TFCP2: variants seen among roughly 807,000 people sequenced by gnomAD.
TFCP2 encodes transcription factor CP2, also known as alpha-globin transcription factor CP2.
Under a neutral mutation model 73.4 loss-of-function variants are expected in TFCP2, and 33 were observed. The ratio of observed to expected loss-of-function variants is 0.45; its 90% CI spans 0.34 to 0.60. The LOEUF is 0.60. TFCP2 is among the 20% of genes least tolerant of loss of function. TFCP2 has a pLI of 0.01. For synonymous variants in TFCP2, 193 were observed against 211.6 expected, an observed-to-expected ratio of 0.91 and a Z score of 0.76; for missense variants, 352 against 604.0, an observed-to-expected ratio of 0.58 and a Z score of 4.37.
At chr12:51,133,308 ACTCT>A (rs756636247) in intron 1 of TFCP2, among the ~76,000 whole-genome samples, 2 of 151,482 alleles carry the variant, frequency 1.3e-5, no homozygotes, top group African/African-American at 4.9e-5. Context: ...ACCTATTTTC[ACTCT>A]CTCTTTTTTT....
At chr12:51,109,080 A>C in intron 6 of TFCP2, 41 bp downstream of exon 6, 1 of 1,586,696 alleles carries the variant, frequency 6.3e-7, no homozygotes, top group Non-Finnish European at 8.6e-7. Context: ...TAGAATGATA[A>C]GGTAAAAGAA....
At chr12:51,097,210 A>G (rs1213985218) in intron 13 of TFCP2, among the ~76,000 whole-genome samples, 1 of 152,062 alleles carries the variant, frequency 6.6e-6, no homozygotes, top group Non-Finnish European at 1.5e-5. Context: ...TCGGCCTCCC[A>G]AAGTGCTGGG....
chr12:51,125,456 T>C (rs1432580404), intron 1 of TFCP2: 2 of 378,840 alleles, frequency 5.3e-6, no homozygotes, highest in African/African-American at 2.1e-5. Flanking sequence ...CTGACCTCCA[T>C]ATGAATCAAC....
chr12:51,108,242 C>CA (rs1367374954), intron 6 of TFCP2, among the ~76,000 whole-genome samples: 2 of 151,148 alleles, frequency 1.3e-5, no homozygotes, highest in African/African-American at 4.9e-5. Flanking sequence ...GCTGGCACTG[C>CA]ACCACTGCAT....
intron 1 of TFCP2, among the ~76,000 whole-genome samples, chr12:51,132,259 G>A (rs904751812): frequency 1.3e-5 from 2 of 149,918 alleles, no homozygotes; most frequent in East Asian, 2.0e-4. Flanking sequence ...ACACCCTTTC[G>A]CAGCACTCCT....
chr12:51,138,611 T>G (rs1941116852), intron 1 of TFCP2, among the ~76,000 whole-genome samples: 1 of 152,140 alleles, frequency 6.6e-6, no homozygotes, highest in Non-Finnish European at 1.5e-5. Context: ...TTCTCCTCCT[T>G]CAGACCACAT....
intron 1 of TFCP2, among the ~76,000 whole-genome samples, chr12:51,150,644 T>C (rs1175321009): frequency 4.6e-5 from 7 of 151,870 alleles, no homozygotes; most frequent in African/African-American, 7.3e-5. Flanking sequence ...CAGATGATAA[T>C]TGAAGTGGGG....
chr12:51,134,836 A>G (rs1479695968), intron 1 of TFCP2, among the ~76,000 whole-genome samples: 1 of 152,262 alleles, frequency 6.6e-6, no homozygotes, highest in Non-Finnish European at 1.5e-5. Flanking sequence ...CAGGTTGGGC[A>G]CTGTGCCTCA....
At chr12:51,102,993 G>A (rs1189497846) in intron 10 of TFCP2, among the ~76,000 whole-genome samples, 1 of 151,414 alleles carries the variant, frequency 6.6e-6, no homozygotes, top group African/African-American at 2.4e-5. Context: ...ATCAAAAAGT[G>A]CTAAATAGGC....
At chr12:51,110,142 T>C (rs982651026) in intron 5 of TFCP2, among the ~76,000 whole-genome samples, 1 of 152,214 alleles carries the variant, frequency 6.6e-6, no homozygotes, top group Non-Finnish European at 1.5e-5. Context: ...GAAGTATTAA[T>C]AAACTAGTGG....
At chr12:51,142,614 G>A (rs1941217269) in intron 1 of TFCP2, among the ~76,000 whole-genome samples, 1 of 152,030 alleles carries the variant, frequency 6.6e-6, no homozygotes, top group Non-Finnish European at 1.5e-5. Flanking sequence ...TTTTTCCTCT[G>A]ATTATCCCAA....
intron 1 of TFCP2, among the ~76,000 whole-genome samples, chr12:51,164,632 G>A (rs1238346285): frequency 1.3e-5 from 2 of 148,882 alleles, no homozygotes; most frequent in Non-Finnish European, 3.0e-5. Context: ...ACAAACTCTT[G>A]TCAGACTGAC....
intron 1 of TFCP2, among the ~76,000 whole-genome samples, chr12:51,158,994 T>C (rs1240624245): frequency 3.5e-5 from 3 of 84,660 alleles, no homozygotes; most frequent in South Asian, 5.5e-4. Flanking sequence ...AAACCCTCTC[T>C]CTACTAAAAA....
In TFCP2 at chr12:51,170,343, C is replaced by CTTTTTTTTTT. The variant is rs4026184; in HGVS notation, c.122+1957_122+1958insAAAAAAAAAA. ...ATTTTTCTTAATTTTTAAAATCTTT[C>CTTTTTTTTTT]TTTTTTTTTAATTTTAAGAGATGAG... On this transcript the variant is annotated intron_variant, in intron 1 of 14. Coordinates refer to ENST00000257915, the MANE Select transcript of TFCP2 (RefSeq NM_005653.5). Among the ~76,000 whole-genome samples the CTTTTTTTTTT allele has an allele frequency of 6.1e-3, 902 of 147,180 alleles. 10 individuals are homozygous for CTTTTTTTTTT. Among genetic ancestry groups the CTTTTTTTTTT allele is most frequent in the African/African-American group, 0.021 (823 of 39,504 alleles).
chr12:51,107,820 G>A lies in TFCP2; in HGVS notation c.718-474C>T, dbSNP rs187281376. Reference sequence around the variant, plus strand: ...GGGGTTTCACCATTTTGGTCAGGCTGGTCTTAAACTCCTGACCTTGTGATC... The same window carrying A: ...GGGGTTTCACCATTTTGGTCAGGCTAGTCTTAAACTCCTGACCTTGTGATC... On this transcript the variant is annotated intron_variant, in intron 6 of 14. Coordinates refer to ENST00000257915, the MANE Select transcript of TFCP2 (RefSeq NM_005653.5). Among the ~76,000 whole-genome samples, 1,061 of 151,786 alleles carry A rather than the reference G, an allele frequency of 7.0e-3. 14 individuals are homozygous for A. The highest frequency in any genetic ancestry group is 0.024 in the African/African-American group (1,004 of 41,454).
In TFCP2 at chr12:51,141,916, A is replaced by AC. The variant is rs1436272739; in HGVS notation, c.123-23145_123-23144insG. Among the ~76,000 whole-genome samples the AC allele has an allele frequency of 1.1e-4, 16 of 149,616 alleles. 1 individual carries two copies. The South Asian group carries it at 2.8e-3, about 26-fold the overall frequency. On this transcript the variant is annotated intron_variant, in intron 1 of 14. Coordinates refer to ENST00000257915, the MANE Select transcript of TFCP2 (RefSeq NM_005653.5). ...GTGAGACTCTGTCTCAAAAAAAAAA[A>AC]AAAAAAAACCAGGCACAGTGGCTCA... is the stretch of plus-strand genomic sequence containing the variant.
rs1467079161 is a variant in TFCP2 at position 51,110,921 on chromosome 12, C to T, written c.520G>A (p.Glu174Lys). The T allele has an allele frequency of 6.2e-7, 1 of 1,613,914 alleles. No individual in the cohort carries two copies. The highest frequency in any genetic ancestry group is 8.5e-7 in the Non-Finnish European group (1 of 1,179,970). ...RANPTQLNTVEFLWDPAKRTS... is the reference protein window; with the variant it reads ...RANPTQLNTVKFLWDPAKRTS... Reference sequence around the variant, plus strand: ...CTCTTTGCAGGGTCCCACAGGAACTCCACTGTATTTAGTTGAGTTGGATTA... The same window carrying T: ...CTCTTTGCAGGGTCCCACAGGAACTTCACTGTATTTAGTTGAGTTGGATTA... The change falls in exon 5 of 15, where the codon GAG (glutamate) becomes AAG (lysine). Residue 174 changes from glutamate to lysine, a missense_variant. Glu to Lys is a moderately conservative substitution (Grantham distance 56). This residue lies in a region of TFCP2 where 31 missense variants were observed against 43.7 expected (regional missense o/e 0.71). Coordinates refer to ENST00000257915, the MANE Select transcript of TFCP2 (RefSeq NM_005653.5).
chr12:51,099,091 C>T (rs1940042451), intron 12 of TFCP2, among the ~76,000 whole-genome samples, 173 bp from the exon 13 acceptor site: 1 of 152,136 alleles, frequency 6.6e-6, no homozygotes, highest in South Asian at 2.1e-4. Flanking sequence ...ATTTAACATT[C>T]CTAGGCCTGA....
chr12:51,099,078 G>A (rs1274368976), intron 12 of TFCP2, among the ~76,000 whole-genome samples, 160 bp from the exon 13 acceptor site: 2 of 152,194 alleles, frequency 1.3e-5, no homozygotes, highest in South Asian at 2.1e-4. Flanking sequence ...CCTAGGGCAA[G>A]TTATTTAACA....
Sources: allele counts gnomAD v4.1 joint callset (sites outside exome capture counted in the v4.1 genomes callset), GRCh38; gene constraint gnomAD v4.1.1; regional missense constraint gnomAD v4.1.1; transcripts MANE v1.5; gene names NCBI Gene and HGNC (gene_info 2026-07-23, HGNC 2026-07-21).